Variants in CROCC observed in about 807,000 individuals in gnomAD.
CROCC encodes the protein rootletin.
A neutral mutation model predicts 245.2 loss-of-function variants in CROCC; 180 were observed. The observed-to-expected ratio is 0.73, with a 90% CI of 0.65 to 0.83. The LOEUF (loss-of-function observed/expected upper bound fraction) is 0.83. Among genes scored for constraint, CROCC ranks in the 40% least tolerant of loss-of-function variants. The pLI is 0.00. For missense variants in CROCC, 2,688 were observed against 2,779.4 expected (o/e 0.97, Z 0.74); for synonymous variants, 1,205 against 1,241.6 (o/e 0.97, Z 0.62).
chr1:16,947,775 G>T (rs1281935697), intron 17 of CROCC, among the ~76,000 whole-genome samples: 4 of 152,212 alleles, frequency 2.6e-5, no homozygotes, highest in Admixed American at 2.6e-4. Context: ...GTAATACAAG[G>T]GTTCTGTTAC....
chr1:16,922,455 C>G (rs543749712), intron 1 of CROCC, among the ~76,000 whole-genome samples: 1 of 152,386 alleles, frequency 6.6e-6, no homozygotes, highest in East Asian at 1.9e-4. Context: ...GTTCTCATCT[C>G]TGGCCCTGGG....
At chr1:16,944,676 G>A (rs4068826) in intron 14 of CROCC, among the ~76,000 whole-genome samples, 5 of 147,194 alleles carry the variant, frequency 3.4e-5, no homozygotes, top group Non-Finnish European at 6.1e-5. Context: ...ACATAGAAGC[G>A]GTTATCTCCA....
At chr1:16,934,700 A>G (rs1376074890) in intron 8 of CROCC, among the ~76,000 whole-genome samples, 1 of 152,282 alleles carries the variant, frequency 6.6e-6, no homozygotes, top group Non-Finnish European at 1.5e-5. Flanking sequence ...CACATTTCAA[A>G]AGGGTACACA....
At chr1:16,916,186 A>AAAAAAAAAAAAAAAAAAAAC (rs1451391327) in intron 1 of CROCC, among the ~76,000 whole-genome samples, 15 of 150,520 alleles carry the variant, frequency 1.0e-4, no homozygotes, top group African/African-American at 3.5e-4. Flanking sequence ...TCTGCCTCAA[A>AAAAAAAAAAAAAAAAAAAAC]AAAAAAGGCC....
Position 16,969,167 on chromosome 1 carries a change from C to A in CROCC, c.5128C>A (p.Leu1710Met). ...GACCCTGCAGCTGACCGTGGAGCGG[C>A]TGAATGGGGCCCTGGCTAAGGTGGA... ...AGTLQLTVER[L>M]NGALAKVEES... is the part of the protein sequence containing the mutation. Residue 1710 changes from leucine to methionine, a missense_variant, in exon 32 of 37, where the codon CTG (leucine) becomes ATG (methionine). Leu to Met is a conservative substitution (Grantham distance 15). This residue lies in a region of CROCC where 1,218 missense variants were observed against 1,286.3 expected (regional missense o/e 0.95). Transcript: ENST00000375541. 6.2e-7 allele frequency: 1 copy of A among 1,610,784 alleles called. No individual in the cohort carries two copies. Among genetic ancestry groups the A allele is most frequent in the Non-Finnish European group, 8.5e-7 (1 of 1,178,794 alleles).
rs1322635283 is a variant in CROCC, at chr1:16,932,625, G to A, written c.956+1228G>A. On this transcript the variant is annotated intron_variant, in intron 8 of 36. Coordinates refer to ENST00000375541, the MANE Select transcript of CROCC (RefSeq NM_014675.5). Reference sequence around the variant, plus strand: ...GTAGGGTTGAAGCAGAGCAGCAGGCGCTCCAAGCAGGAGCAAGGCATGAGC... The same window carrying A: ...GTAGGGTTGAAGCAGAGCAGCAGGCACTCCAAGCAGGAGCAAGGCATGAGC... Among the ~76,000 whole-genome samples, 4 of 152,190 alleles carry A rather than the reference G, an allele frequency of 2.6e-5. No individual in the cohort carries two copies. In the East Asian group the frequency reaches 5.8e-4, roughly 22 times the overall value.
At chr1:16,915,420 G>T in intron 1 of CROCC, among the ~76,000 whole-genome samples, 1 of 152,398 alleles carries the variant, frequency 6.6e-6, no homozygotes, top group Middle Eastern at 3.4e-3. Flanking sequence ...AGGCTGAGGT[G>T]GGAGGACCGC....
In CROCC at chr1:16,930,609, G is replaced by A; in HGVS notation, c.849+15G>A. The A allele has an allele frequency of 3.1e-6, 5 of 1,600,390 alleles. No homozygotes were observed. Among genetic ancestry groups the A allele is most frequent in the Non-Finnish European group, 4.3e-6 (5 of 1,174,072 alleles). On this transcript the variant is annotated intron_variant, in intron 7 of 36. Transcript: ENST00000375541. ...GCGAGGAGGAGGTGGGCATGGGGGT[G>A]CAGGGAGGCCAGCCTGACCCAAGAG...
chr1:16,970,140 T>G (rs574642217), intron 33 of CROCC, 113 bp from the exon 34 acceptor site: 2 of 1,234,104 alleles, frequency 1.6e-6, no homozygotes, highest in Non-Finnish European at 1.1e-6. Flanking sequence ...AATTCTCTGA[T>G]GTGGGCCTCA....
chr1:16,970,453 G>A lies in CROCC; in HGVS notation c.5652G>A (p.Lys1884=), dbSNP rs537224164. Residue 1884 remains lysine, a splice_region_variant and synonymous_variant, in exon 34 of 37, where the codon AAG becomes AAA. Coordinates refer to ENST00000375541, the MANE Select transcript of CROCC (RefSeq NM_014675.5). ...DRVALRRTLD[K]VEREKLRSHE... ...TAGCCCTCAGGAGGACGCTGGACAA[G>A]GTAGGCTGCTCCCCAGGCTCTCCCC... 5.7e-6 allele frequency: 9 copies of A among 1,574,444 alleles called. No individual in the cohort carries two copies. The African/African-American group carries it at 6.7e-5, about 12-fold the overall frequency.
intron 8 of CROCC, among the ~76,000 whole-genome samples, chr1:16,935,567 C>A (rs1177576709): frequency 3.3e-5 from 5 of 152,280 alleles, no homozygotes; most frequent in African/African-American, 1.2e-4. Context: ...ACTACAGGCG[C>A]CTGCCACCTC....
chr1:16,931,781 G>A (rs565179484), intron 8 of CROCC, among the ~76,000 whole-genome samples: 12 of 152,120 alleles, frequency 7.9e-5, no homozygotes, highest in Admixed American at 1.3e-4. Flanking sequence ...TTTCTCAGAC[G>A]GAGTCTTGCT....
Position 16,954,907 on chromosome 1 carries a change from C to T in CROCC, c.3465+30C>T. On this transcript the variant is annotated intron_variant, in intron 23 of 36. Coordinates refer to ENST00000375541, the MANE Select transcript of CROCC (RefSeq NM_014675.5). This position sits in a 1 kb window ranked among gnomAD's most constrained non-coding sequence, Gnocchi z 4.4. ...GCAGCCGCCCCCCTCTTCCAAGCAGCATACCCTAAATGGCACTGTGTGCCT... is the reference window on the plus strand; with the variant it reads ...GCAGCCGCCCCCCTCTTCCAAGCAGTATACCCTAAATGGCACTGTGTGCCT... 1 of 1,501,664 alleles carries T rather than the reference C, an allele frequency of 6.7e-7. No homozygotes were observed. 93.0% of individuals were successfully genotyped at this position (1,501,664 alleles called of 1,614,324 possible).
intron 34 of CROCC, 86 bp downstream of exon 34, chr1:16,970,539 T>G (rs1055311516): frequency 6.8e-7 from 1 of 1,474,120 alleles, no homozygotes; most frequent in African/African-American, 1.4e-5. Flanking sequence ...GTCTGCTACC[T>G]CTGGTGGGGT....
rs779233256 is a variant in CROCC at position 16,968,364 on chromosome 1, C to T, written c.5022C>T (p.Asp1674=). The stretch of plus-strand genomic sequence containing the variant: ...AGCGCAGCCGCCTGGGCCTCAGTGA[C>T]CGCGAGGCCCAAGCCCAGGCCCTCC... ...ELQRSRLGLS[D]REAQAQALQD... The change falls in exon 31 of 37, where the codon GAC becomes GAT. Residue 1674 remains aspartate, a synonymous_variant. Coordinates refer to ENST00000375541, the MANE Select transcript of CROCC (RefSeq NM_014675.5). The T allele has an allele frequency of 8.5e-6, 13 of 1,534,482 alleles. No individual in the cohort carries two copies. Among genetic ancestry groups the T allele is most frequent in the Non-Finnish European group, 1.1e-5 (13 of 1,139,490 alleles).
intron 20 of CROCC, 178 bp downstream of exon 20, chr1:16,951,300 T>A (rs1364684380): frequency 4.8e-5 from 24 of 503,786 alleles, no homozygotes; most frequent in East Asian, 1.4e-4. Flanking sequence ...ACATGCAGAT[T>A]CCCAGGTCCC....
chr1:16,938,687 G>C (rs1179415921), intron 11 of CROCC, among the ~76,000 whole-genome samples: 1 of 152,304 alleles, frequency 6.6e-6, no homozygotes. Flanking sequence ...CCCTTTGGGA[G>C]CCCACCTGTG....
chr1:16,935,012 A>G (rs1570616751), intron 8 of CROCC, among the ~76,000 whole-genome samples: 1 of 148,322 alleles, frequency 6.7e-6, no homozygotes, highest in Admixed American at 6.8e-5. Flanking sequence ...CGATTCTCCC[A>G]CCTCCGCCTC....
At chr1:16,915,717 T>C (rs982661568) in intron 1 of CROCC, among the ~76,000 whole-genome samples, 4 of 152,252 alleles carry the variant, frequency 2.6e-5, no homozygotes, top group Admixed American at 2.0e-4. Context: ...GGGACCTCTT[T>C]AGCTGAGAGT....
Sources: gnomAD v4.1 joint callset for allele counts (sites outside exome capture counted in the v4.1 genomes callset) on GRCh38, gnomAD v4.1.1 for gene constraint, gnomAD v4.1.1 regional missense constraint, Gnocchi (gnomAD v3.1) non-coding constraint, MANE v1.5 for transcripts, NCBI Gene and HGNC (gene_info 2026-07-23, HGNC 2026-07-21) for gene names.